Variants in PCDHGA9 observed in about 807,000 individuals in gnomAD.
PCDHGA9 encodes the protein protocadherin gamma-A9.
In PCDHGA9, 37 loss-of-function variants were observed where a neutral mutation model predicts 62.5. The ratio of observed to expected loss-of-function variants is 0.59; its 90% CI spans 0.46 to 0.78. The LOEUF (loss-of-function observed/expected upper bound fraction) is 0.78. PCDHGA9 is among the 30% of genes least tolerant of loss of function. PCDHGA9 has a pLI of 0.00. For synonymous variants in PCDHGA9, 459 were observed against 484.6 expected (o/e 0.95, Z 0.69); for missense variants, 1,138 against 1,166.2 (o/e 0.98, Z 0.35).
intron 1 of PCDHGA9, chr5:141,414,679 G>T: frequency 6.2e-7 from 1 of 1,613,960 alleles, no homozygotes; most frequent in South Asian, 1.1e-5. Context: ...CACCATCCAG[G>T]GGGTACCTCT....
At chr5:141,460,438 T>A (rs1035541143) in intron 1 of PCDHGA9, among the ~76,000 whole-genome samples, 16 of 152,172 alleles carry the variant, frequency 1.1e-4, no homozygotes, top group African/African-American at 3.1e-4. Flanking sequence ...TGGTGTGAGG[T>A]AACAATGAAG....
chr5:141,488,222 G>A (rs1351438124), intron 1 of PCDHGA9, among the ~76,000 whole-genome samples: 1 of 152,104 alleles, frequency 6.6e-6, no homozygotes, highest in Admixed American at 6.5e-5. Flanking sequence ...TCCCTACTGG[G>A]GATTTGAACT....
chr5:141,483,620 A>G (rs192148102), intron 1 of PCDHGA9, among the ~76,000 whole-genome samples: 472 of 151,650 alleles, frequency 3.1e-3, no homozygotes, highest in Non-Finnish European at 5.0e-3. Context: ...CATCATTCCC[A>G]TGGGAGAAGG....
intron 1 of PCDHGA9, chr5:141,478,684 T>C: frequency 6.4e-7 from 1 of 1,551,340 alleles, no homozygotes; most frequent in Non-Finnish European, 8.7e-7. Flanking sequence ...TGGCCCTTCC[T>C]AGATCAAAGT....
intron 1 of PCDHGA9, among the ~76,000 whole-genome samples, chr5:141,433,513 C>T (rs2097615953): frequency 6.6e-6 from 1 of 152,066 alleles, no homozygotes; most frequent in Non-Finnish European, 1.5e-5. Flanking sequence ...GGATTACAGG[C>T]GTGAACCACA....
chr5:141,461,480 G>A (rs1478939044), intron 1 of PCDHGA9, among the ~76,000 whole-genome samples: 1 of 151,970 alleles, frequency 6.6e-6, no homozygotes, highest in Non-Finnish European at 1.5e-5. Context: ...ACTTTTTAAT[G>A]GGATTGTGTT....
rs1427934561 is a variant in PCDHGA9, at chr5:141,511,140, CAAG to C, written c.2773_2775del (p.Lys925del). The stretch of plus-strand genomic sequence containing the variant: ...AGGCCCCAGCAGGTGGCAATGGCAA[CAAG>C]AAGAAGTCGGGCAAGAAGGAGAAGA... On this transcript the variant is annotated inframe_deletion, in exon 4 of 4. Coordinates refer to ENST00000573521, the MANE Select transcript of PCDHGA9 (RefSeq NM_018921.3). 9 of 1,614,186 alleles carry C rather than the reference CAAG, an allele frequency of 5.6e-6. No individual in the cohort carries two copies. The East Asian group carries it at 6.7e-5, about 12-fold the overall frequency.
At chr5:141,450,642 A>C (rs2098688710) in intron 1 of PCDHGA9, among the ~76,000 whole-genome samples, 1 of 151,504 alleles carries the variant, frequency 6.6e-6, no homozygotes, top group Non-Finnish European at 1.5e-5. Context: ...GCCTGCCACC[A>C]TGCCTGGCTA....
rs980122657 is a variant in PCDHGA9, at chr5:141,511,379, C to G, written c.*206C>G. The G allele has an allele frequency of 2.9e-5, 34 of 1,169,842 alleles. No individual in the cohort carries two copies. The highest frequency in any genetic ancestry group is 3.9e-5 in the Non-Finnish European group (33 of 853,834). The allele number at this position is 1,169,842 out of a possible 1,614,324, so 72.5% of individuals were successfully genotyped here. ...GGGGGTTGAATATGCAAAAGCAGTT[C>G]CGCTGGGAACCCCCATCCAATCAAC... On this transcript the variant is annotated 3_prime_UTR_variant, in exon 4 of 4. Transcript: ENST00000573521.
At position 141,410,845 on chromosome 5, in the gene PCDHGA9, TTGTC is replaced by T. The variant is rs1434874838; in HGVS notation, c.2424+5471_2424+5474del. 23 of 429,726 alleles carry T rather than the reference TTGTC, an allele frequency of 5.4e-5. 1 individual carries two copies. Among genetic ancestry groups the T allele is most frequent in the Admixed American group, 8.8e-5 (2 of 22,654 alleles). The allele number at this position is 429,726 out of a possible 1,614,324, so 26.6% of individuals were successfully genotyped here. A position where few individuals can be genotyped will look rare whatever the true frequency, so the allele number is the denominator to read the frequency against. Reference sequence around the variant, plus strand: ...TCACCAGACTGAAGATATTTTGTCTTTGTCTTTTTTTTTTTTTTTTTTTTTTGAG... The same window carrying T: ...TCACCAGACTGAAGATATTTTGTCTTTTTTTTTTTTTTTTTTTTTTTTGAG... On this transcript the variant is annotated intron_variant, in intron 1 of 3. Transcript: ENST00000573521.
intron 1 of PCDHGA9, among the ~76,000 whole-genome samples, chr5:141,468,165 A>T (rs1249592462): frequency 1.3e-5 from 2 of 151,940 alleles, no homozygotes; most frequent in Non-Finnish European, 2.9e-5. Flanking sequence ...TCTCTGCTAA[A>T]AATAGAAAAA....
intron 1 of PCDHGA9, among the ~76,000 whole-genome samples, chr5:141,446,777 CT>C (rs1480571336): frequency 6.6e-6 from 1 of 152,072 alleles, no homozygotes; most frequent in South Asian, 2.1e-4. Context: ...GGTTACCATT[CT>C]TTTACTCTGA....
Position 141,496,980 on chromosome 5 carries a change from G to A in PCDHGA9, c.2483+2115G>A, listed in dbSNP as rs186715298. On this transcript the variant is annotated intron_variant, in intron 2 of 3. Coordinates refer to ENST00000573521, the MANE Select transcript of PCDHGA9 (RefSeq NM_018921.3). ...GTGGGTAGATCACTTGAGGTCAGGG[G>A]TTTGAGACCAGCCTGGCAGCCAACA... Among the ~76,000 whole-genome samples the A allele has an allele frequency of 1.6e-3, 236 of 152,074 alleles. 2 individuals are homozygous for A. Among genetic ancestry groups the A allele is most frequent in the South Asian group, 7.5e-3 (36 of 4,814 alleles).
chr5:141,492,487 C>T (rs1031047955), intron 1 of PCDHGA9, among the ~76,000 whole-genome samples: 1 of 152,222 alleles, frequency 6.6e-6, no homozygotes, highest in Non-Finnish European at 1.5e-5. Context: ...CGCCCAGGAC[C>T]AGGCGAGGAC....
At chr5:141,478,755 A>G in intron 1 of PCDHGA9, 1 of 1,519,784 alleles carries the variant, frequency 6.6e-7, no homozygotes, top group South Asian at 1.3e-5. Flanking sequence ...TTCAGGGGGA[A>G]GATACTTGAC....
rs1248030162 is a variant in PCDHGA9 at position 141,402,799 on chromosome 5, C to A, written c.-154C>A. On this transcript the variant is annotated 5_prime_UTR_variant, in exon 1 of 4. Coordinates refer to ENST00000573521, the MANE Select transcript of PCDHGA9 (RefSeq NM_018921.3). Reference sequence around the variant, plus strand: ...TTCCAGTTCTGCGGCTACACAAAACCCGGCAGATACCACAAACCTGCTCCC... The same window carrying A: ...TTCCAGTTCTGCGGCTACACAAAACACGGCAGATACCACAAACCTGCTCCC... The A allele has an allele frequency of 1.9e-6, 2 of 1,061,840 alleles. No individual in the cohort carries two copies. The highest frequency in any genetic ancestry group is 2.6e-6 in the Non-Finnish European group (2 of 771,084). The allele number at this position is 1,061,840 out of a possible 1,614,324, so 65.8% of individuals were successfully genotyped here.
chr5:141,481,181 G>C (rs1364223040), intron 1 of PCDHGA9, among the ~76,000 whole-genome samples: 1 of 152,154 alleles, frequency 6.6e-6, no homozygotes, highest in Non-Finnish European at 1.5e-5. Context: ...CAGCTTTATT[G>C]GGCCAGGCCC....
At chr5:141,421,429 G>T in intron 1 of PCDHGA9, 1 of 1,614,090 alleles carries the variant, frequency 6.2e-7, no homozygotes, top group Non-Finnish European at 8.5e-7. Flanking sequence ...AGTCCGCATC[G>T]TCTCCAGAGG....
At chr5:141,423,632 T>G in intron 1 of PCDHGA9, 1 of 1,602,602 alleles carries the variant, frequency 6.2e-7, no homozygotes, top group Non-Finnish European at 8.5e-7. Flanking sequence ...GCTATCATTT[T>G]AGGCAAATGT....
Sources: gnomAD v4.1 joint callset for allele counts (sites outside exome capture counted in the v4.1 genomes callset) on GRCh38, gnomAD v4.1.1 for gene constraint, MANE v1.5 for transcripts, NCBI Gene and HGNC (gene_info 2026-07-23, HGNC 2026-07-21) for gene names.